The following KAZN variants were observed in gnomAD, a reference collection of about 807,000 sequenced individuals.
KAZN encodes the protein kazrin.
KAZN carries 40 observed loss-of-function variants against 87.4 expected under a neutral mutation model. The ratio of observed to expected loss-of-function variants is 0.46; its 90% CI spans 0.36 to 0.60. KAZN has a LOEUF of 0.60. KAZN is among the 20% of genes least tolerant of loss of function. The pLI, the probability that KAZN is intolerant of heterozygous loss-of-function variation, is 0.00. For synonymous variants in KAZN, 466 were observed against 458.3 expected (o/e 1.02, Z -0.22); for missense variants, 898 against 1,073.9 (o/e 0.84, Z 2.29).
intron 1 of KAZN, among the ~76,000 whole-genome samples, chr1:14,702,860 T>C (rs186973711): frequency 3.0e-3 from 455 of 152,288 alleles, no homozygotes; most frequent in African/African-American, 9.9e-3. Context: ...CCCTGAAAAG[T>C]AGAAAAACAG....
intron 1 of KAZN, among the ~76,000 whole-genome samples, chr1:14,842,778 A>G (rs1648171038): frequency 6.6e-6 from 1 of 152,206 alleles, no homozygotes; most frequent in African/African-American, 2.4e-5. Flanking sequence ...TTAAAGTAAT[A>G]CATGCACATA....
chr1:14,187,219 G>T (rs1646327339), intron 2 of KAZN, among the ~76,000 whole-genome samples: 1 of 152,060 alleles, frequency 6.6e-6, no homozygotes, highest in African/African-American at 2.4e-5. Context: ...TTCCTGAGGG[G>T]TTATTAAATA....
exon 1 of KAZN, chr1:13,893,532 G>A (rs1487336901): frequency 7.2e-6 from 10 of 1,392,750 alleles, no homozygotes; most frequent in Non-Finnish European, 9.6e-6. Context: ...AACTTTGGGG[G>A]CGGGGACATT....
intron 1 of KAZN, among the ~76,000 whole-genome samples, chr1:14,674,647 A>G (rs1640109544): frequency 6.6e-6 from 1 of 152,258 alleles, no homozygotes; most frequent in South Asian, 2.1e-4. Context: ...TCACTCTGGG[A>G]TGCTGCTATT....
chr1:14,781,803 A>G (rs1645358035), intron 1 of KAZN, among the ~76,000 whole-genome samples: 1 of 152,246 alleles, frequency 6.6e-6, no homozygotes, highest in African/African-American at 2.4e-5. Context: ...AATCTCTGGC[A>G]CATAAGCATG....
chr1:15,008,152 C>T (rs919059064), intron 2 of KAZN, among the ~76,000 whole-genome samples: 1 of 152,312 alleles, frequency 6.6e-6, no homozygotes, highest in South Asian at 2.1e-4. Context: ...AAGCTCAGCC[C>T]GAAGCTTATC....
intron 2 of KAZN, among the ~76,000 whole-genome samples, chr1:14,435,621 G>T (rs1331839014): frequency 2.0e-5 from 3 of 152,146 alleles, no homozygotes; most frequent in Non-Finnish European, 4.4e-5. Flanking sequence ...CCCAGACCCT[G>T]GTCCCCAGGG....
chr1:14,891,209 C>T (rs1381577308), intron 1 of KAZN, among the ~76,000 whole-genome samples: 1 of 152,096 alleles, frequency 6.6e-6, no homozygotes, highest in Non-Finnish European at 1.5e-5. Context: ...TGTCTGGTTA[C>T]ATGAGTACGT....
At chr1:14,463,738 G>A (rs1262001290) in intron 2 of KAZN, among the ~76,000 whole-genome samples, 6 of 152,064 alleles carry the variant, frequency 3.9e-5, no homozygotes, top group Non-Finnish European at 8.8e-5. Context: ...CGTCTCTCAG[G>A]CATCAGTTTA....
At chr1:14,762,155 G>C (rs1171745633) in intron 1 of KAZN, among the ~76,000 whole-genome samples, 1 of 152,174 alleles carries the variant, frequency 6.6e-6, no homozygotes, top group African/African-American at 2.4e-5. Context: ...TGTCATACTT[G>C]AGGGCAGTGA....
intron 2 of KAZN, among the ~76,000 whole-genome samples, chr1:14,453,349 T>A (rs982497244): frequency 1.2e-4 from 19 of 152,196 alleles, no homozygotes; most frequent in Non-Finnish European, 4.4e-5. Context: ...GAGATTTTTT[T>A]AAAAGTGTTC....
At chr1:14,242,500 G>T (rs1462808730) in intron 2 of KAZN, among the ~76,000 whole-genome samples, 2 of 152,182 alleles carry the variant, frequency 1.3e-5, no homozygotes, top group African/African-American at 4.8e-5. Flanking sequence ...AAATATATAT[G>T]GAATATCCAC....
chr1:14,981,344 T>C (rs929804092), intron 2 of KAZN, among the ~76,000 whole-genome samples: 1 of 152,252 alleles, frequency 6.6e-6, no homozygotes, highest in Non-Finnish European at 1.5e-5. Flanking sequence ...CCATGAAGCA[T>C]AGACCAGTCT....
At chr1:14,036,753 G>A (rs1026092587) in intron 1 of KAZN, among the ~76,000 whole-genome samples, 1 of 151,908 alleles carries the variant, frequency 6.6e-6, no homozygotes, top group Non-Finnish European at 1.5e-5. Flanking sequence ...GGTAATCTTT[G>A]GAGTCTATTT....
intron 1 of KAZN, among the ~76,000 whole-genome samples, chr1:13,977,898 C>T (rs1432331140): frequency 2.0e-5 from 3 of 152,086 alleles, no homozygotes; most frequent in Non-Finnish European, 2.9e-5. Flanking sequence ...GAGGCCGAGG[C>T]GGGTGTATCA....
chr1:14,049,818 C>T (rs1362351009), intron 1 of KAZN, among the ~76,000 whole-genome samples: 1 of 152,196 alleles, frequency 6.6e-6, no homozygotes, highest in Non-Finnish European at 1.5e-5. Flanking sequence ...AGGGAGCTCT[C>T]ATGATAGACA....
Position 14,395,446 on chromosome 1 carries a change from AC to A in KAZN, c.250-203535del, listed in dbSNP as rs1247054720. Among the ~76,000 whole-genome samples, 4 of 152,108 alleles carry A rather than the reference AC, an allele frequency of 2.6e-5. No homozygotes were observed. The South Asian group carries it at 6.2e-4, about 24-fold the overall frequency. On this transcript the variant is annotated intron_variant, in intron 2 of 16. Coordinates refer to the KAZN transcript ENST00000636203. Reference sequence around the variant, plus strand: ...CATTCTGTCCTTGGCTGGGGCTCTTACCACCGCCAGGGCAGAAGGTAGACGT... The same window carrying A: ...CATTCTGTCCTTGGCTGGGGCTCTTACACCGCCAGGGCAGAAGGTAGACGT...
At chr1:14,299,011 G>A (rs768799557) in intron 2 of KAZN, among the ~76,000 whole-genome samples, 82 of 152,284 alleles carry the variant, frequency 5.4e-4, no homozygotes, top group Non-Finnish European at 9.7e-4. Flanking sequence ...GGCAGGTGGC[G>A]TGGCTATTGT....
At chr1:14,748,495 C>T (rs1644321705) in intron 1 of KAZN, among the ~76,000 whole-genome samples, 1 of 152,138 alleles carries the variant, frequency 6.6e-6, no homozygotes, top group South Asian at 2.1e-4. Flanking sequence ...TCTCTTTGTG[C>T]CTCCGTCGTC....
Sources: gnomAD v4.1 joint callset for allele counts (sites outside exome capture counted in the v4.1 genomes callset) on GRCh38, gnomAD v4.1.1 for gene constraint, MANE v1.5 for transcripts, NCBI Gene and HGNC (gene_info 2026-07-23, HGNC 2026-07-21) for gene names.